Variants in SLC60A2 observed in about 807,000 individuals in gnomAD.
SLC60A2 encodes major facilitator superfamily domain containing 4B.
At chr6:111,265,758 T>A in the SLC60A2 span, 2 of 770,212 alleles carry the variant, frequency 2.6e-6, no homozygotes, top group Non-Finnish European at 4.1e-6. Flanking sequence ...ATAATTAGAA[T>A]ATTATAATGC....
chr6:111,263,723 T>C, the SLC60A2 span: 5 of 615,520 alleles, frequency 8.1e-6, no homozygotes, highest in Admixed American at 1.2e-4. Flanking sequence ...CTACTCATTA[T>C]CTAATTTAAA....
At chr6:111,266,362 C>A in the SLC60A2 span, 1 of 1,614,098 alleles carries the variant, frequency 6.2e-7, no homozygotes, top group Non-Finnish European at 8.5e-7. Context: ...GAAAGTGAAG[C>A]TGCTGGGTTG....
At chr6:111,266,068 A>C in the SLC60A2 span, 2 of 1,614,058 alleles carry the variant, frequency 1.2e-6, no homozygotes, top group Non-Finnish European at 1.7e-6. Context: ...TCTGATGCTG[A>C]CTCAGAAGCT....
At chr6:111,266,750 T>G in the SLC60A2 span, 1 of 1,614,200 alleles carries the variant, frequency 6.2e-7, no homozygotes, top group East Asian at 2.2e-5. Context: ...CATCAATAGC[T>G]ACTGGTATTT....
the SLC60A2 span, among the ~76,000 whole-genome samples, chr6:111,263,222 C>G: frequency 6.6e-6 from 1 of 152,114 alleles, no homozygotes; most frequent in African/African-American, 2.4e-5. Context: ...GCCACCACGC[C>G]TGGGCTGGCA....
chr6:111,265,321 C>T, the SLC60A2 span: 25 of 984,550 alleles, frequency 2.5e-5, no homozygotes, highest in East Asian at 6.8e-4. Context: ...TCCTCCTAGA[C>T]GTTTAGACAG....
chr6:111,267,259 T>C, the SLC60A2 span: 1 of 774,100 alleles, frequency 1.3e-6, no homozygotes, highest in East Asian at 2.7e-5. Context: ...CTAAAAATTT[T>C]TGAAATGTTC....
chr6:111,267,036 G>C, the SLC60A2 span: 1 of 1,614,182 alleles, frequency 6.2e-7, no homozygotes, highest in African/African-American at 1.3e-5. Context: ...AAATGCACTG[G>C]TGTTTGAGTC....
the SLC60A2 span, chr6:111,266,245 A>G: frequency 3.1e-6 from 5 of 1,614,108 alleles, no homozygotes; most frequent in East Asian, 8.9e-5. Flanking sequence ...AAATATCACA[A>G]CGCCCTTCTT....
chr6:111,266,554 C>G, the SLC60A2 span: 3 of 1,614,192 alleles, frequency 1.9e-6, no homozygotes, highest in East Asian at 4.5e-5. Flanking sequence ...GTGTATGGGG[C>G]TTCAATGGCA....
At chr6:111,260,098 A>T in the SLC60A2 span, among the ~76,000 whole-genome samples, 1 of 151,946 alleles carries the variant, frequency 6.6e-6, no homozygotes, top group African/African-American at 2.4e-5. Context: ...TTTAGTAGAG[A>T]CGGGGCTTCG....
At chr6:111,266,430 A>G in the SLC60A2 span, 3 of 1,614,010 alleles carry the variant, frequency 1.9e-6, no homozygotes, top group South Asian at 1.1e-5. Flanking sequence ...CTTTTTTGCT[A>G]CCTGTTTACA....
the SLC60A2 span, chr6:111,259,400 C>T: frequency 2.4e-3 from 917 of 385,774 alleles, 10 homozygotes; most frequent in African/African-American, 0.017. Flanking sequence ...TTCTCTGCCC[C>T]GGTTCCGGGC....
chr6:111,259,489 TCTG>T, the SLC60A2 span: 1 of 496,002 alleles, frequency 2.0e-6, no homozygotes, highest in Non-Finnish European at 3.6e-6. Flanking sequence ...CTCCAGAAGT[TCTG>T]CTGAGAAGCG....
the SLC60A2 span, chr6:111,265,282 A>G: frequency 2.0e-6 from 2 of 981,716 alleles, no homozygotes; most frequent in South Asian, 4.7e-5. Flanking sequence ...AAAAGAAGAT[A>G]GCTCAAGATG....
the SLC60A2 span, among the ~76,000 whole-genome samples, chr6:111,274,942 A>G: frequency 6.6e-6 from 1 of 152,086 alleles, no homozygotes; most frequent in Non-Finnish European, 1.5e-5. Flanking sequence ...ATTTTTTTAG[A>G]GACAGGATCT....
the SLC60A2 span, among the ~76,000 whole-genome samples, chr6:111,264,198 A>T: frequency 1.3e-5 from 2 of 152,224 alleles, no homozygotes; most frequent in African/African-American, 4.8e-5. Flanking sequence ...TACATTGTCC[A>T]AACAGGGAAG....
chr6:111,262,278 G>A, the SLC60A2 span: 5 of 1,613,616 alleles, frequency 3.1e-6, no homozygotes, highest in African/African-American at 6.7e-5. Flanking sequence ...TGCTATAGTG[G>A]GACCCACGTT....
At chr6:111,279,921 C>T in the SLC60A2 span, among the ~76,000 whole-genome samples, 1 of 151,878 alleles carries the variant, frequency 6.6e-6, no homozygotes, top group Non-Finnish European at 1.5e-5. Flanking sequence ...GAGACTCCAT[C>T]TCAAACAAAA....
Sources: allele counts gnomAD v4.1 joint callset (sites outside exome capture counted in the v4.1 genomes callset), GRCh38; gene constraint gnomAD v4.1.1; transcripts MANE v1.5; gene names NCBI Gene and HGNC (gene_info 2026-07-23, HGNC 2026-07-21).